PIAS1: variants seen among roughly 807,000 people sequenced by gnomAD.
PIAS1 encodes the protein protein inhibitor of activated STAT 1, also known as E3 SUMO-protein ligase PIAS1.
Under a neutral mutation model 71.3 loss-of-function variants are expected in PIAS1, and 6 were observed. The ratio of observed to expected loss-of-function variants is 0.08; its 90% confidence interval spans 0.05 to 0.17. The LOEUF is 0.17. PIAS1 is among the 10% of genes least tolerant of loss of function. The pLI, the probability that PIAS1 is intolerant of heterozygous loss-of-function variation, is 1.00. For synonymous variants in PIAS1, 303 were observed against 292.9 expected (o/e 1.03, Z -0.35); for missense variants, 555 against 793.6 (o/e 0.70, Z 3.61).
At position 68,086,458 on chromosome 15, in the gene PIAS1, A is replaced by C. The variant is rs901771925; in HGVS notation, c.177A>C (p.Glu59Asp). 11 of 1,613,722 alleles carry C rather than the reference A, an allele frequency of 6.8e-6. No individual in the cohort carries two copies. In the Admixed American group the frequency reaches 1.2e-4, roughly 17 times the overall value. Residue 59 changes from glutamate to aspartate, a missense_variant, in exon 2 of 14, where the codon GAA (glutamate) becomes GAC (aspartate). By Grantham distance (45) the Glu-to-Asp change is conservative (BLOSUM62 2). Around this residue, in one of 5 missense-constraint regions of PIAS1, gnomAD observed 48 missense variants for 86.6 expected, o/e 0.55. Coordinates refer to ENST00000249636, the MANE Select transcript of PIAS1 (RefSeq NM_016166.3). This position sits in a 1 kb window ranked among gnomAD's most constrained non-coding sequence, Gnocchi z 7.2. ...CSPAVQMKIK[E>D]LYRRRFPQKI... ...CTGCTGTGCAAATGAAAATTAAGGAACTCTATAGGCGGCGGTTCCCACAGA... is the reference window on the plus strand; with the variant it reads ...CTGCTGTGCAAATGAAAATTAAGGACCTCTATAGGCGGCGGTTCCCACAGA...
At position 68,183,893 on chromosome 15, in the gene PIAS1, G is replaced by A. The variant is rs971268058; in HGVS notation, c.1662+226G>A. The A allele has an allele frequency of 1.9e-4, 67 of 359,112 alleles. No individual in the cohort carries two copies. The East Asian group carries it at 3.7e-3, about 20-fold the overall frequency. The allele number at this position is 359,112 out of a possible 1,614,324, so 22.2% of individuals were successfully genotyped here. ...TGAACAAACCTATGCTGTCAGTCAT[G>A]TAAAAGTATCACACGTATAATTATG... is the stretch of plus-strand genomic sequence containing the variant. On this transcript the variant is annotated intron_variant, in intron 13 of 13. Transcript: ENST00000249636.
intron 7 of PIAS1, among the ~76,000 whole-genome samples, chr15:68,157,260 A>G (rs1163786899): frequency 1.3e-5 from 2 of 152,174 alleles, no homozygotes; most frequent in African/African-American, 4.8e-5. Flanking sequence ...TGGCTCCCTC[A>G]TATATCTGCT....
intron 2 of PIAS1, among the ~76,000 whole-genome samples, chr15:68,123,512 A>G (rs1290771939): frequency 6.6e-6 from 1 of 152,228 alleles, no homozygotes. Flanking sequence ...TATCTATTTT[A>G]GAAAAGTAAT....
Position 68,148,925 on chromosome 15 carries a change from G to T in PIAS1, c.828+2225G>T, listed in dbSNP as rs543327079. 2.2e-4 allele frequency among the ~76,000 whole-genome samples: 33 copies of T among 152,130 alleles called. 1 individual carries two copies. Among genetic ancestry groups the T allele is most frequent in the African/African-American group, 7.2e-4 (30 of 41,474 alleles). On this transcript the variant is annotated intron_variant, in intron 6 of 13. Coordinates refer to ENST00000249636, the MANE Select transcript of PIAS1 (RefSeq NM_016166.3). ...GCGATAGAAATGGAGGTAAGTAGGGGCATCTGCAGGATTGAGTGATGAATT... is the reference window on the plus strand; with the variant it reads ...GCGATAGAAATGGAGGTAAGTAGGGTCATCTGCAGGATTGAGTGATGAATT...
intron 1 of PIAS1, among the ~76,000 whole-genome samples, chr15:68,076,797 G>T (rs939470018): frequency 6.6e-6 from 1 of 152,098 alleles, no homozygotes; most frequent in African/African-American, 2.4e-5. Flanking sequence ...TCATCTGTTG[G>T]GCACTTACTT....
intron 7 of PIAS1, among the ~76,000 whole-genome samples, chr15:68,154,207 C>G (rs1015132670): frequency 3.3e-5 from 5 of 152,190 alleles, no homozygotes; most frequent in Non-Finnish European, 7.3e-5. Flanking sequence ...ATTTCTAATG[C>G]TTCTGCGAAG....
chr15:68,098,852 A>G (rs2092399730), intron 2 of PIAS1, among the ~76,000 whole-genome samples: 1 of 152,172 alleles, frequency 6.6e-6, no homozygotes, highest in African/African-American at 2.4e-5. Flanking sequence ...TGTGATATAT[A>G]TCACTATGCA....
chr15:68,074,275 G>A (rs1262591636), intron 1 of PIAS1, among the ~76,000 whole-genome samples: 2 of 152,036 alleles, frequency 1.3e-5, no homozygotes, highest in African/African-American at 2.4e-5. Flanking sequence ...CAGTGATATT[G>A]TTCTTCTTCT....
chr15:68,086,828 T>C lies in PIAS1; in HGVS notation c.469+78T>C. On this transcript the variant is annotated intron_variant, in intron 2 of 13. Transcript: ENST00000249636. This position sits in a 1 kb window ranked among gnomAD's most constrained non-coding sequence, Gnocchi z 7.2. ...TTTAGGCTTTTACTTTGACCCAGTTTATTATTCATAATGAAATTTTCATTT... is the reference window on the plus strand; with the variant it reads ...TTTAGGCTTTTACTTTGACCCAGTTCATTATTCATAATGAAATTTTCATTT... 1.3e-6 allele frequency: 1 copy of C among 746,708 alleles called. No homozygotes were observed. Among genetic ancestry groups the C allele is most frequent in the Admixed American group, 2.8e-5 (1 of 36,252 alleles). The allele number at this position is 746,708 out of a possible 1,614,324, so 46.3% of individuals were successfully genotyped here.
intron 2 of PIAS1, among the ~76,000 whole-genome samples, chr15:68,091,037 T>C (rs899584943): frequency 4.0e-5 from 6 of 151,822 alleles, no homozygotes; most frequent in Non-Finnish European, 8.8e-5. Flanking sequence ...GTATTATTGA[T>C]CCATATAAAT....
intron 12 of PIAS1, among the ~76,000 whole-genome samples, 200 bp from the exon 13 acceptor site, chr15:68,183,430 A>G (rs1251048362): frequency 6.6e-6 from 1 of 152,212 alleles, no homozygotes; most frequent in African/African-American, 2.4e-5. Flanking sequence ...GAGAAGACAA[A>G]TCATTGCCAA....
chr15:68,131,505 C>A (rs1185437424), intron 2 of PIAS1, among the ~76,000 whole-genome samples: 1 of 151,690 alleles, frequency 6.6e-6, no homozygotes, highest in Non-Finnish European at 1.5e-5. Flanking sequence ...TTTCTCCTAT[C>A]TTCTAACCAT....
intron 2 of PIAS1, among the ~76,000 whole-genome samples, chr15:68,114,872 A>G (rs991543146): frequency 3.3e-5 from 5 of 151,910 alleles, no homozygotes; most frequent in East Asian, 1.9e-4. Flanking sequence ...TGCACTTTTT[A>G]TGTATTTTGA....
At chr15:68,068,594 G>A (rs114310024) in intron 1 of PIAS1, among the ~76,000 whole-genome samples, 4,277 of 151,450 alleles carry the variant, frequency 0.028, 138 homozygotes, top group African/African-American at 0.078. Flanking sequence ...CTGGGATTAC[G>A]GGTGTCTGCC....
chr15:68,127,543 A>G (rs2092659252), intron 2 of PIAS1, among the ~76,000 whole-genome samples: 1 of 147,714 alleles, frequency 6.8e-6, no homozygotes, highest in Non-Finnish European at 1.5e-5. Flanking sequence ...TACCACTCAT[A>G]TATTTGCTTT....
chr15:68,154,411 G>A (rs1035552855), intron 7 of PIAS1, among the ~76,000 whole-genome samples: 2 of 152,156 alleles, frequency 1.3e-5, no homozygotes, highest in African/African-American at 4.8e-5. Context: ...CGTGGATTTA[G>A]GAGTGAGGGC....
chr15:68,077,916 T>C (rs2092187110), intron 1 of PIAS1, among the ~76,000 whole-genome samples: 1 of 152,228 alleles, frequency 6.6e-6, no homozygotes. Context: ...TTAGACTCTT[T>C]AGTTTAGAAG....
At chr15:68,078,913 C>A (rs1471640927) in intron 1 of PIAS1, among the ~76,000 whole-genome samples, 1 of 152,148 alleles carries the variant, frequency 6.6e-6, no homozygotes, top group Admixed American at 6.5e-5. Context: ...AGAAAGATTT[C>A]ACTAACTGTA....
chr15:68,096,297 T>C (rs979426569), intron 2 of PIAS1, among the ~76,000 whole-genome samples: 5 of 152,348 alleles, frequency 3.3e-5, no homozygotes, highest in Non-Finnish European at 7.3e-5. Context: ...TGTATGTCTT[T>C]ATGTCAAGAC....
Sources: allele counts gnomAD v4.1 joint callset (sites outside exome capture counted in the v4.1 genomes callset), GRCh38; gene constraint gnomAD v4.1.1; regional missense constraint gnomAD v4.1.1; non-coding constraint Gnocchi (gnomAD v3.1); transcripts MANE v1.5; gene names NCBI Gene and HGNC (gene_info 2026-07-23, HGNC 2026-07-21).